Variants in SNX24 observed in about 807,000 individuals in gnomAD.
SNX24 encodes the protein sorting nexin-24.
SNX24 carries 22 observed loss-of-function variants against 28.7 expected under a neutral mutation model. The ratio of observed to expected loss-of-function variants is 0.77; its 90% confidence interval spans 0.55 to 1.10. The LOEUF is 1.10. Among genes scored for constraint, SNX24 ranks in the 50% least tolerant of loss-of-function variants. SNX24 has a pLI of 0.00. For missense variants in SNX24, 221 were observed against 201.1 expected (o/e 1.10, Z -0.60); for synonymous variants, 69 against 71.5 (o/e 0.96, Z 0.18).
rs947978549 is a variant in SNX24 at position 123,025,485 on chromosome 5, T to C, written n.384-3753T>C. Reference sequence around the variant, plus strand: ...CTTTTGGAGACTGAATAATATTCCATTGTGTGTATATATGGGGTCCTGGTA... The same window carrying C: ...CTTTTGGAGACTGAATAATATTCCACTGTGTGTATATATGGGGTCCTGGTA... On this transcript the variant is annotated intron_variant and non_coding_transcript_variant, in intron 5 of 5. Transcript: ENST00000502387. Among the ~76,000 whole-genome samples, 9 of 152,214 alleles carry C rather than the reference T, an allele frequency of 5.9e-5. No homozygotes were observed. In the South Asian group the frequency reaches 1.0e-3, roughly 18 times the overall value.
chr5:122,915,657 C>T (rs376379277), intron 1 of SNX24, among the ~76,000 whole-genome samples: 5 of 152,102 alleles, frequency 3.3e-5, no homozygotes, highest in African/African-American at 9.7e-5. Flanking sequence ...TCATAGTGCA[C>T]ATCTGATCAT....
chr5:122,930,146 C>A (rs907683169), intron 1 of SNX24, among the ~76,000 whole-genome samples: 4 of 152,184 alleles, frequency 2.6e-5, no homozygotes, highest in African/African-American at 4.8e-5. Flanking sequence ...AGCAACAGAG[C>A]AGGCTGTGAG....
intron 3 of SNX24, among the ~76,000 whole-genome samples, chr5:122,949,530 T>G (rs1006384556): frequency 6.6e-6 from 1 of 152,144 alleles, no homozygotes; most frequent in Non-Finnish European, 1.5e-5. Context: ...TTATTCAAAT[T>G]AATGAATTGC....
chr5:122,921,860 C>G (rs1758445859), intron 1 of SNX24, among the ~76,000 whole-genome samples: 1 of 151,512 alleles, frequency 6.6e-6, no homozygotes, highest in Admixed American at 6.6e-5. Flanking sequence ...TTTCTCGAAT[C>G]CATTGTTCTT....
chr5:123,014,281 C>T (rs1041427903), intron 5 of SNX24, among the ~76,000 whole-genome samples: 3 of 151,408 alleles, frequency 2.0e-5, no homozygotes, highest in African/African-American at 7.3e-5. Context: ...ATCATCCCAC[C>T]TCAGCGTACC....
intron 1 of SNX24, among the ~76,000 whole-genome samples, chr5:122,928,596 A>T (rs537769522): frequency 6.6e-6 from 1 of 152,044 alleles, no homozygotes; most frequent in South Asian, 2.1e-4. Flanking sequence ...GGCTGCTAGG[A>T]GCTGGAAACA....
chr5:122,908,025 T>TA (rs1412993636), intron 1 of SNX24, among the ~76,000 whole-genome samples: 4 of 152,178 alleles, frequency 2.6e-5, no homozygotes, highest in Admixed American at 6.5e-5. Context: ...CAAATCAGGT[T>TA]AGTAATACAT....
At chr5:122,905,568 C>T (rs246279) in intron 1 of SNX24, among the ~76,000 whole-genome samples, 1 of 152,098 alleles carries the variant, frequency 6.6e-6, no homozygotes, top group Non-Finnish European at 1.5e-5. Context: ...TTTCAAATTT[C>T]GGATGCTCAA....
At chr5:122,998,570 C>G (rs1762132932) in intron 3 of SNX24, among the ~76,000 whole-genome samples, 1 of 152,152 alleles carries the variant, frequency 6.6e-6, no homozygotes, top group African/African-American at 2.4e-5. Context: ...CGTAGCAGCC[C>G]CCAGTGGAAG....
intron 5 of SNX24, among the ~76,000 whole-genome samples, chr5:123,021,945 G>A (rs1227315038): frequency 2.0e-5 from 3 of 152,052 alleles, no homozygotes; most frequent in African/African-American, 7.2e-5. Context: ...TAGCACAAAT[G>A]CCATCCCTCC....
At chr5:123,012,730 G>T (rs1762612263), downstream of SNX24, among the ~76,000 whole-genome samples, 1 of 152,212 alleles carries the variant, frequency 6.6e-6, no homozygotes, top group Non-Finnish European at 1.5e-5. Flanking sequence ...AGGCTGTACT[G>T]ATCAGGTAGC....
chr5:123,026,857 C>CT lies in SNX24; in HGVS notation n.384-2379dup, dbSNP rs1177088794. On this transcript the variant is annotated intron_variant and non_coding_transcript_variant, in intron 5 of 5. Coordinates refer to the SNX24 transcript ENST00000502387. The stretch of plus-strand genomic sequence containing the variant: ...GCCCACCTCCCCTTCTGTAGGGCCC[C>CT]TTATCTATCAGTTGCCAACTTCAAA... 5.9e-5 allele frequency among the ~76,000 whole-genome samples: 9 copies of CT among 152,304 alleles called. No homozygotes were observed. The East Asian group carries it at 1.7e-3, about 29-fold the overall frequency.
intron 3 of SNX24, among the ~76,000 whole-genome samples, chr5:122,949,831 G>A (rs1759854363): frequency 6.6e-6 from 1 of 152,138 alleles, no homozygotes; most frequent in African/African-American, 2.4e-5. Context: ...AACCCTAGCT[G>A]AATATCCAAG....
chr5:122,964,337 C>T (rs1760626531), intron 3 of SNX24, among the ~76,000 whole-genome samples: 1 of 150,036 alleles, frequency 6.7e-6, no homozygotes, highest in African/African-American at 2.5e-5. Flanking sequence ...CGTCTAGAGA[C>T]ACTTGTGGTT....
At chr5:122,901,724 T>G (rs1757456647) in intron 1 of SNX24, among the ~76,000 whole-genome samples, 1 of 152,144 alleles carries the variant, frequency 6.6e-6, no homozygotes, top group Non-Finnish European at 1.5e-5. Context: ...CTTGGATGTG[T>G]CATACACACA....
At chr5:122,957,329 A>G (rs1439352457) in intron 3 of SNX24, among the ~76,000 whole-genome samples, 1 of 152,196 alleles carries the variant, frequency 6.6e-6, no homozygotes, top group Non-Finnish European at 1.5e-5. Flanking sequence ...TGGACCATAT[A>G]TATGAGGATT....
At chr5:122,903,472 T>C (rs959543704) in intron 1 of SNX24, among the ~76,000 whole-genome samples, 2 of 152,168 alleles carry the variant, frequency 1.3e-5, no homozygotes, top group Admixed American at 6.5e-5. Flanking sequence ...TTTTGCACTG[T>C]GTTTTGGCCA....
intron 3 of SNX24, among the ~76,000 whole-genome samples, chr5:122,997,450 G>A (rs1762089308): frequency 6.6e-6 from 1 of 152,146 alleles, no homozygotes; most frequent in African/African-American, 2.4e-5. Context: ...ACTCTGTTTG[G>A]GGAAGCTGAG....
At chr5:123,028,792 G>C in intron 5 of SNX24, 2 of 1,612,836 alleles carry the variant, frequency 1.2e-6, no homozygotes, top group Non-Finnish European at 8.5e-7. Flanking sequence ...GCCATCTCCA[G>C]TGGTGATGTC....
Sources: allele counts gnomAD v4.1 joint callset (sites outside exome capture counted in the v4.1 genomes callset), GRCh38; gene constraint gnomAD v4.1.1; transcripts MANE v1.5; gene names NCBI Gene and HGNC (gene_info 2026-07-23, HGNC 2026-07-21).